PLCB1: variants seen among roughly 807,000 people sequenced by gnomAD.
The protein encoded by PLCB1 is phospholipase C beta 1, also known as 1-phosphatidylinositol 4,5-bisphosphate phosphodiesterase beta-1.
PLCB1 carries 46 observed loss-of-function variants against 161.8 expected under a neutral mutation model. The ratio of observed to expected loss-of-function variants is 0.28; its 90% CI spans 0.22 to 0.36. The LOEUF is 0.36. PLCB1 is among the 10% of genes least tolerant of loss of function. The pLI is 1.00. For synonymous variants in PLCB1, 517 were observed against 503.7 expected (o/e 1.03, Z -0.35); for missense variants, 1,016 against 1,472.5 (o/e 0.69, Z 5.07).
intron 2 of PLCB1, among the ~76,000 whole-genome samples, chr20:8,179,935 T>C (rs2123086728): frequency 7.6e-6 from 1 of 131,164 alleles, no homozygotes; most frequent in Non-Finnish European, 1.6e-5. Flanking sequence ...CTCGGCTCAC[T>C]GCAAGCTCCG....
intron 2 of PLCB1, among the ~76,000 whole-genome samples, chr20:8,244,754 A>G (rs951798911): frequency 6.6e-6 from 1 of 151,914 alleles, no homozygotes; most frequent in African/African-American, 2.4e-5. Context: ...TTATACCTCA[A>G]AATGTTTCAC....
rs1192219773 is a variant in PLCB1, at chr20:8,820,551, A to C, written c.3423+30290A>C. ...CAGGTGGGAGTAAAAACTGGTGCAA[A>C]CACTCTGAAAAACAATTTGAGATTA... On this transcript the variant is annotated intron_variant, in intron 31 of 31. Transcript: ENST00000338037. Among the ~76,000 whole-genome samples, 7 of 152,134 alleles carry C rather than the reference A, an allele frequency of 4.6e-5. No individual in the cohort carries two copies. The East Asian group carries it at 1.3e-3, about 29-fold the overall frequency.
intron 11 of PLCB1, among the ~76,000 whole-genome samples, chr20:8,700,105 C>T (rs1352366908): frequency 2.0e-5 from 3 of 152,182 alleles, no homozygotes; most frequent in Non-Finnish European, 2.9e-5. Context: ...CATGTGGAAC[C>T]AGTGCAGCTT....
chr20:8,589,610 C>CTTTTTTTTTT (rs71183102), intron 3 of PLCB1, among the ~76,000 whole-genome samples: 4 of 80,106 alleles, frequency 5.0e-5, no homozygotes, highest in African/African-American at 2.0e-4. Flanking sequence ...CAATCTCTCT[C>CTTTTTTTTTT]TTTTTTTTTT....
intron 2 of PLCB1, among the ~76,000 whole-genome samples, chr20:8,155,236 C>T (rs935958458): frequency 1.1e-4 from 17 of 152,036 alleles, no homozygotes; most frequent in South Asian, 2.1e-4. Flanking sequence ...TTTGTTTACC[C>T]GTGATCCTAT....
intron 2 of PLCB1, among the ~76,000 whole-genome samples, chr20:8,277,886 A>G (rs1982658652): frequency 6.6e-6 from 1 of 152,278 alleles, no homozygotes; most frequent in African/African-American, 2.4e-5. Context: ...AAAGAGCACT[A>G]GCATTGCTGG....
chr20:8,178,916 C>A (rs1329578955), intron 2 of PLCB1, among the ~76,000 whole-genome samples: 3 of 152,096 alleles, frequency 2.0e-5, no homozygotes, highest in Non-Finnish European at 4.4e-5. Flanking sequence ...CTTGTTTTGT[C>A]GACTGTGTCG....
Position 8,168,542 on chromosome 20 carries a change from G to A in PLCB1, c.177+18171G>A, listed in dbSNP as rs115818432. Among the ~76,000 whole-genome samples, 417 of 152,236 alleles carry A rather than the reference G, an allele frequency of 2.7e-3. 1 individual carries two copies. The highest frequency in any genetic ancestry group is 9.1e-3 in the African/African-American group (377 of 41,540). Reference sequence around the variant, plus strand: ...TGTAAGGTTATAGGGAAGTAAAGCCGCATCCCAACATGGTGCACAGACAGC... The same window carrying A: ...TGTAAGGTTATAGGGAAGTAAAGCCACATCCCAACATGGTGCACAGACAGC... On this transcript the variant is annotated intron_variant, in intron 2 of 31. Coordinates refer to ENST00000338037, the MANE Select transcript of PLCB1 (RefSeq NM_015192.4).
At chr20:8,651,455 G>A in intron 7 of PLCB1, 1 of 728,480 alleles carries the variant, frequency 1.4e-6, no homozygotes, top group African/African-American at 1.7e-5. Flanking sequence ...GCAGAGCTGT[G>A]GAAAGGCTCC....
At chr20:8,525,088 T>G (rs555985268) in intron 3 of PLCB1, among the ~76,000 whole-genome samples, 1 of 152,236 alleles carries the variant, frequency 6.6e-6, no homozygotes, top group South Asian at 2.1e-4. Context: ...CTATATCCCT[T>G]CAGTTACTTT....
chr20:8,776,868 A>G (rs920460798), intron 27 of PLCB1, among the ~76,000 whole-genome samples: 5 of 152,170 alleles, frequency 3.3e-5, no homozygotes, highest in Non-Finnish European at 7.3e-5. Flanking sequence ...AAACAATAAC[A>G]GAAATGGGAG....
At chr20:8,661,169 G>A (rs530492758) in intron 9 of PLCB1, among the ~76,000 whole-genome samples, 2 of 152,122 alleles carry the variant, frequency 1.3e-5, no homozygotes, top group South Asian at 4.2e-4. Context: ...ATGATTTCTG[G>A]GCCTTAAACT....
chr20:8,436,327 CAAAAAAA>C (rs11468737), intron 3 of PLCB1, among the ~76,000 whole-genome samples: 1 of 115,392 alleles, frequency 8.7e-6, no homozygotes, highest in Non-Finnish European at 1.9e-5. Context: ...GAGACCCTGT[CAAAAAAA>C]AAAAAAAAAA....
intron 3 of PLCB1, among the ~76,000 whole-genome samples, chr20:8,447,335 A>G (rs1381695443): frequency 6.6e-6 from 1 of 152,196 alleles, no homozygotes; most frequent in East Asian, 1.9e-4. Flanking sequence ...GACAAGCAGC[A>G]TATCTTTTGC....
rs560234088 is a variant in PLCB1 at position 8,143,336 on chromosome 20, C to T, written c.100-6958C>T. On this transcript the variant is annotated intron_variant, in intron 1 of 31. Coordinates refer to ENST00000338037, the MANE Select transcript of PLCB1 (RefSeq NM_015192.4). ...TGTGGGCAACATGGCTCCCAGCAAC[C>T]CCAACTGATGTTTTTCAGAATCTTC... Among the ~76,000 whole-genome samples, 35 of 152,246 alleles carry T rather than the reference C, an allele frequency of 2.3e-4. 1 individual carries two copies. The Middle Eastern group carries it at 0.01, about 44-fold the overall frequency.
intron 2 of PLCB1, among the ~76,000 whole-genome samples, chr20:8,361,926 T>C (rs544717025): frequency 6.6e-6 from 1 of 152,354 alleles, no homozygotes; most frequent in East Asian, 1.9e-4. Flanking sequence ...GAAGATAGTT[T>C]TTAGCACTTA....
At chr20:8,626,889 T>A (rs1325026987) in intron 3 of PLCB1, among the ~76,000 whole-genome samples, 1 of 152,232 alleles carries the variant, frequency 6.6e-6, no homozygotes, top group African/African-American at 2.4e-5. Context: ...CACAAAACAT[T>A]CATTCTTCCC....
At chr20:8,567,321 G>A (rs1298665768) in intron 3 of PLCB1, among the ~76,000 whole-genome samples, 2 of 152,014 alleles carry the variant, frequency 1.3e-5, no homozygotes, top group African/African-American at 4.8e-5. Context: ...CAGGTCTGTG[G>A]CAATTTAATT....
chr20:8,463,954 T>A (rs976479713), intron 3 of PLCB1, among the ~76,000 whole-genome samples: 1 of 152,192 alleles, frequency 6.6e-6, no homozygotes, highest in African/African-American at 2.4e-5. Flanking sequence ...ATTTTCCTTC[T>A]GACTGTAGTT....
Sources: gnomAD v4.1 joint callset for allele counts (sites outside exome capture counted in the v4.1 genomes callset) on GRCh38, gnomAD v4.1.1 for gene constraint, MANE v1.5 for transcripts, NCBI Gene and HGNC (gene_info 2026-07-23, HGNC 2026-07-21) for gene names.